The following DNAI3 variants were observed in gnomAD, a reference collection of about 807,000 sequenced individuals.
DNAI3 encodes dynein axonemal intermediate chain 3.
A neutral mutation model predicts 115.5 loss-of-function variants in DNAI3; 83 were observed. The ratio of observed to expected loss-of-function variants is 0.72; its 90% CI spans 0.60 to 0.86. The LOEUF is 0.86. Ranked by LOEUF, DNAI3 falls within the 40% of genes least tolerant of loss-of-function variation. The pLI is 0.00. For missense variants in DNAI3, 1,004 were observed against 1,075.8 expected (o/e 0.93, Z 0.93); for synonymous variants, 320 against 347.0 (o/e 0.92, Z 0.86).
chr1:85,118,676 G>A (rs1343014432), intron 17 of DNAI3, among the ~76,000 whole-genome samples: 1 of 152,064 alleles, frequency 6.6e-6, no homozygotes, highest in Non-Finnish European at 1.5e-5. Context: ...CACAGCACTG[G>A]GTGCTGGGAT....
intron 2 of DNAI3, 104 bp from the exon 3 acceptor site, chr1:85,072,950 G>A (rs1278177716): frequency 1.3e-5 from 6 of 460,700 alleles, no homozygotes; most frequent in Middle Eastern, 7.0e-4. Flanking sequence ...GCAAGACTCC[G>A]TCTCAAAAAA....
Position 85,082,383 on chromosome 1 carries a change from G to C in DNAI3, c.369G>C (p.Glu123Asp). ...ACTTTTATCTTATTGCAACTGAAGA[G>C]GGCAAAGAAAACTATTTAAATGTGA... The part of the protein sequence containing the change: ...GLNFYLIATE[E>D]GKENYLNPPE... Residue 123 changes from glutamate to aspartate, a missense_variant, in exon 5 of 23, where the codon GAG (glutamate) becomes GAC (aspartate). Glu to Asp is a conservative substitution (Grantham distance 45). Coordinates refer to ENST00000294664, the MANE Select transcript of DNAI3 (RefSeq NM_145172.5). The C allele has an allele frequency of 6.2e-7, 1 of 1,613,318 alleles. No homozygotes were observed. Among genetic ancestry groups the C allele is most frequent in the Non-Finnish European group, 8.5e-7 (1 of 1,179,422 alleles).
Position 85,126,567 on chromosome 1 carries a change from G to C in DNAI3, c.2169G>C (p.Trp723Cys). ...CAAAAAGGTACACCTCAGGCCACTG[G>C]TCCCTGACTCGGCCCGGAGTTTTCT... ...CAPKRYTSGH[W>C]SLTRPGVFYI... The change falls in exon 20 of 23, where the codon TGG becomes TGC. Residue 723 changes from tryptophan (W) to cysteine (C), a missense_variant. Coordinates refer to ENST00000294664, the MANE Select transcript of DNAI3 (RefSeq NM_145172.5). 1.2e-6 allele frequency: 2 copies of C among 1,614,118 alleles called. No homozygotes were observed. Among genetic ancestry groups the C allele is most frequent in the Non-Finnish European group, 1.7e-6 (2 of 1,180,014 alleles).
At chr1:85,094,649 A>G (rs1655076019) in intron 10 of DNAI3, 94 bp downstream of exon 10, 9 of 1,421,622 alleles carry the variant, frequency 6.3e-6, no homozygotes, top group Non-Finnish European at 7.6e-6. Flanking sequence ...CTTTATAATC[A>G]TGTAATGTTG....
Position 85,095,942 on chromosome 1 carries a change from G to A in DNAI3, c.1185G>A (p.Glu395=). ...SDPIHPQLML[E]SPDDIFCFKF... is the part of the protein sequence containing the mutation. ...TGGGTTTACTTTAGTTAATGCTGGAGAGCCCAGATGACATCTTCTGCTTCA... is the reference window on the plus strand; with the variant it reads ...TGGGTTTACTTTAGTTAATGCTGGAAAGCCCAGATGACATCTTCTGCTTCA... Residue 395 remains glutamate (E), a synonymous_variant, in exon 11 of 23, where the codon GAG becomes GAA. Transcript: ENST00000294664. 6.2e-7 allele frequency: 1 copy of A among 1,613,810 alleles called. No individual in the cohort carries two copies. The highest frequency in any genetic ancestry group is 8.5e-7 in the Non-Finnish European group (1 of 1,179,820).
rs576118466 is a variant in DNAI3, at chr1:85,102,448, T to A, written c.1480-2076T>A. On this transcript the variant is annotated intron_variant, in intron 13 of 22. Coordinates refer to ENST00000294664, the MANE Select transcript of DNAI3 (RefSeq NM_145172.5). Reference sequence around the variant, plus strand: ...ATTTTTCATAAATAAGCAAAAGACATATAAAATAAAACAGTAAATCAACAT... The same window carrying A: ...ATTTTTCATAAATAAGCAAAAGACAAATAAAATAAAACAGTAAATCAACAT... Among the ~76,000 whole-genome samples, 12 of 152,162 alleles carry A rather than the reference T, an allele frequency of 7.9e-5. No individual in the cohort carries two copies. The South Asian group carries it at 2.1e-3, about 26-fold the overall frequency.
chr1:85,099,660 C>T (rs1179455754), intron 13 of DNAI3, among the ~76,000 whole-genome samples: 1 of 152,180 alleles, frequency 6.6e-6, no homozygotes, highest in African/African-American at 2.4e-5. Flanking sequence ...GCCCGCATTG[C>T]CAAGTCAATC....
At chr1:85,088,277 T>C (rs1268332778) in intron 7 of DNAI3, among the ~76,000 whole-genome samples, 1 of 152,046 alleles carries the variant, frequency 6.6e-6, no homozygotes, top group South Asian at 2.1e-4. Context: ...AATAATAATA[T>C]TGGCAGTGTT....
intron 1 of DNAI3, among the ~76,000 whole-genome samples, chr1:85,062,733 T>A (rs1653966573): frequency 6.6e-6 from 1 of 152,184 alleles, no homozygotes; most frequent in African/African-American, 2.4e-5. Flanking sequence ...TGTTCCCATG[T>A]TATATATACC....
chr1:85,079,483 GC>G (rs1654562588), intron 3 of DNAI3, among the ~76,000 whole-genome samples: 3 of 152,152 alleles, frequency 2.0e-5, no homozygotes, highest in Admixed American at 2.0e-4. Context: ...AACATGAGAG[GC>G]CACATACACT....
intron 22 of DNAI3, among the ~76,000 whole-genome samples, chr1:85,130,658 TTAGATAGATGATAGATAGATAGA>T (rs1406978526): frequency 1.4e-5 from 2 of 147,646 alleles, no homozygotes; most frequent in Non-Finnish European, 3.0e-5. Flanking sequence ...AGATGATAGA[TTAGATAGATGATAGATAGATAGA>T]TAGATAGATA....
chr1:85,110,802 A>G (rs1655640148), intron 16 of DNAI3, among the ~76,000 whole-genome samples: 1 of 152,192 alleles, frequency 6.6e-6, no homozygotes, highest in Non-Finnish European at 1.5e-5. Context: ...AAGTCTAGTA[A>G]AATAAGTTAT....
intron 16 of DNAI3, among the ~76,000 whole-genome samples, chr1:85,114,166 C>T (rs1033816369): frequency 1.3e-5 from 2 of 151,976 alleles, no homozygotes; most frequent in East Asian, 1.9e-4. Context: ...GCATGTACCA[C>T]CACACCAGGC....
chr1:85,073,116 C>G, intron 3 of DNAI3, 24 bp downstream of exon 3: 1 of 1,499,450 alleles, frequency 6.7e-7, no homozygotes, highest in Non-Finnish European at 9.0e-7. Flanking sequence ...TAATTTACAA[C>G]TTACATCCTC....
intron 4 of DNAI3, 25 bp downstream of exon 4, chr1:85,081,440 T>G (rs753012549): frequency 1.3e-6 from 2 of 1,522,916 alleles, no homozygotes; most frequent in Non-Finnish European, 1.7e-6. Flanking sequence ...CCTATTTATT[T>G]TCAGTCCTAC....
intron 19 of DNAI3, 72 bp from the exon 20 acceptor site, chr1:85,126,439 A>G: frequency 2.0e-6 from 3 of 1,469,908 alleles, no homozygotes; most frequent in Non-Finnish European, 2.8e-6. Context: ...GTACTTAATG[A>G]ACAGCATGGT....
intron 22 of DNAI3, among the ~76,000 whole-genome samples, chr1:85,131,175 C>T (rs1013673793): frequency 7.2e-5 from 11 of 151,816 alleles, no homozygotes; most frequent in Non-Finnish European, 8.8e-5. Flanking sequence ...CACTGGGCGC[C>T]GTGGCTCACA....
At position 85,090,113 on chromosome 1, in the gene DNAI3, T is replaced by C; in HGVS notation, c.741-3T>C. On this transcript the variant is annotated splice_region_variant and splice_polypyrimidine_tract_variant and intron_variant, in intron 7 of 22. Coordinates refer to ENST00000294664, the MANE Select transcript of DNAI3 (RefSeq NM_145172.5). ...AGTATTGAATTTTCTTTTAATATAT[T>C]AGGACATATCCTAAAAATGCTACTA... 2.0e-6 allele frequency: 3 copies of C among 1,509,204 alleles called. No individual in the cohort carries two copies. Among genetic ancestry groups the C allele is most frequent in the Non-Finnish European group, 1.8e-6 (2 of 1,117,702 alleles). The allele number at this position is 1,509,204 out of a possible 1,614,324, so 93.5% of individuals were successfully genotyped here.
At position 85,130,676 on chromosome 1, in the gene DNAI3, GA is replaced by G. The variant is rs1196251977; in HGVS notation, c.2532+565del. ...TGATAGATTAGATAGATGATAGATA[GA>G]TAGATAGATAGATAGATAGATAGAT... On this transcript the variant is annotated intron_variant, in intron 22 of 22. Transcript: ENST00000294664. Among the ~76,000 whole-genome samples the G allele has an allele frequency of 3.8e-3, 206 of 54,038 alleles. 1 individual carries two copies. Among genetic ancestry groups the G allele is most frequent in the Non-Finnish European group, 2.0e-3 (57 of 27,980 alleles). The allele number at this position is 54,038 out of a possible 152,430, so 35.5% of individuals were successfully genotyped here.
Sources: allele counts gnomAD v4.1 joint callset (sites outside exome capture counted in the v4.1 genomes callset), GRCh38; gene constraint gnomAD v4.1.1; transcripts MANE v1.5; gene names NCBI Gene and HGNC (gene_info 2026-07-23, HGNC 2026-07-21).